LSAMP: variants seen among roughly 807,000 people sequenced by gnomAD.
LSAMP encodes the protein limbic system associated membrane protein, also known as limbic system-associated membrane protein.
LSAMP carries 7 observed loss-of-function variants against 38.6 expected under a neutral mutation model. The observed-to-expected ratio is 0.18, with a 90% CI of 0.10 to 0.34. The LOEUF is 0.34. Among genes scored for constraint, LSAMP ranks in the 10% least tolerant of loss-of-function variants. LSAMP has a pLI of 1.00. For synonymous variants in LSAMP, 154 were observed against 166.8 expected, an observed-to-expected ratio of 0.92 and a Z score of 0.59; for missense variants, 313 against 420.0, an observed-to-expected ratio of 0.75 and a Z score of 2.23.
intron 1 of LSAMP, among the ~76,000 whole-genome samples, chr3:116,108,802 T>A (rs1708530106): frequency 6.6e-6 from 1 of 152,124 alleles, no homozygotes; most frequent in African/African-American, 2.4e-5. Context: ...GAGGAGGTTC[T>A]GGAGGAACGC....
intron 3 of LSAMP, among the ~76,000 whole-genome samples, chr3:115,867,666 A>T (rs1392318664): frequency 6.6e-6 from 1 of 152,148 alleles, no homozygotes; most frequent in Non-Finnish European, 1.5e-5. Context: ...GAAGAGCAGG[A>T]AGAAAATGCC....
At chr3:116,381,007 TTC>T (rs2048551160) in intron 1 of LSAMP, among the ~76,000 whole-genome samples, 1 of 152,080 alleles carries the variant, frequency 6.6e-6, no homozygotes, top group African/African-American at 2.4e-5. Flanking sequence ...TTAAAATGAA[TTC>T]TGACAAAATG....
At position 115,871,534 on chromosome 3, in the gene LSAMP, T is replaced by C. The variant is rs529390634; in HGVS notation, c.515-18917A>G. On this transcript the variant is annotated intron_variant, in intron 3 of 6. Coordinates refer to ENST00000490035, the MANE Select transcript of LSAMP (RefSeq NM_002338.5). ...CAAAGATATGATACCCCTGTTTAAA[T>C]TGTTTCAGTGTACAAAGAACAAAGC... Among the ~76,000 whole-genome samples, 14 of 152,020 alleles carry C rather than the reference T, an allele frequency of 9.2e-5. No individual in the cohort carries two copies. In the East Asian group the frequency reaches 2.1e-3, roughly 23 times the overall value.
chr3:116,438,401 A>C (rs2049385817), intron 1 of LSAMP, among the ~76,000 whole-genome samples: 1 of 152,184 alleles, frequency 6.6e-6, no homozygotes, highest in South Asian at 2.1e-4. Flanking sequence ...ATCTTTATTT[A>C]ATAAATTACA....
At chr3:116,150,739 ACAAG>A (rs1269745696) in intron 1 of LSAMP, among the ~76,000 whole-genome samples, 15 of 152,006 alleles carry the variant, frequency 9.9e-5, no homozygotes, top group Admixed American at 6.6e-4. Flanking sequence ...CTATGAGAGG[ACAAG>A]CAGTTTTAAC....
rs79396570 is a variant in LSAMP, at chr3:116,394,814, T to C, written c.155+50063A>G. On this transcript the variant is annotated intron_variant, in intron 1 of 6. Transcript: ENST00000490035. Reference sequence around the variant, plus strand: ...GAAGACACAATCTCTCAGCAAGTGTTAATATGTAAAATCTTTCCCCCTCAC... The same window carrying C: ...GAAGACACAATCTCTCAGCAAGTGTCAATATGTAAAATCTTTCCCCCTCAC... 4.6e-3 allele frequency among the ~76,000 whole-genome samples: 696 copies of C among 152,356 alleles called. 19 individuals are homozygous for C. Among genetic ancestry groups the C allele is most frequent in the Admixed American group, 0.035 (541 of 15,302 alleles).
intron 3 of LSAMP, among the ~76,000 whole-genome samples, chr3:115,968,606 C>T (rs923817607): frequency 1.3e-5 from 2 of 152,168 alleles, no homozygotes; most frequent in Non-Finnish European, 2.9e-5. Context: ...CCTCTTCTCT[C>T]CTCAACAGAG....
At chr3:115,901,537 C>T (rs1936874193) in intron 3 of LSAMP, among the ~76,000 whole-genome samples, 1 of 152,160 alleles carries the variant, frequency 6.6e-6, no homozygotes, top group African/African-American at 2.4e-5. Context: ...CTCCCACAAA[C>T]CAGTTTATCT....
intron 3 of LSAMP, among the ~76,000 whole-genome samples, chr3:115,883,707 T>C (rs1227159116): frequency 6.6e-6 from 1 of 152,022 alleles, no homozygotes; most frequent in African/African-American, 2.4e-5. Context: ...TCCTGCCTGT[T>C]CTCTTTTTAT....
chr3:115,993,878 C>T (rs1939742268), intron 3 of LSAMP, among the ~76,000 whole-genome samples: 1 of 152,044 alleles, frequency 6.6e-6, no homozygotes, highest in South Asian at 2.1e-4. Context: ...AAACACTTTA[C>T]ACCTGTAGAG....
chr3:116,272,169 AAAC>A (rs1332829491), intron 1 of LSAMP, among the ~76,000 whole-genome samples: 1 of 151,728 alleles, frequency 6.6e-6, no homozygotes, highest in African/African-American at 2.4e-5. Context: ...TATATAATAA[AAAC>A]AACACAGAAA....
intron 2 of LSAMP, among the ~76,000 whole-genome samples, chr3:116,024,463 CAA>C (rs1225019334): frequency 1.3e-5 from 2 of 152,102 alleles, no homozygotes; most frequent in Non-Finnish European, 2.9e-5. Context: ...TTATTTGACT[CAA>C]TAAAAAATAT....
At position 115,854,437 on chromosome 3, in the gene LSAMP, T is replaced by A. The variant is rs1038174396; in HGVS notation, c.515-1820A>T. On this transcript the variant is annotated intron_variant, in intron 3 of 6. Transcript: ENST00000490035. ...AGCTGGGACTACAGGCGCCCGCCACTGCGCCCGGCTAATTTTTTGTATTTT... is the reference window on the plus strand; with the variant it reads ...AGCTGGGACTACAGGCGCCCGCCACAGCGCCCGGCTAATTTTTTGTATTTT... Among the ~76,000 whole-genome samples, 6 of 151,416 alleles carry A rather than the reference T, an allele frequency of 4.0e-5. No individual in the cohort carries two copies. The South Asian group carries it at 8.3e-4, about 21-fold the overall frequency.
At chr3:115,839,305 C>T (rs1576131853) in intron 6 of LSAMP, among the ~76,000 whole-genome samples, 1 of 129,402 alleles carries the variant, frequency 7.7e-6, no homozygotes, top group African/African-American at 2.8e-5. Context: ...TTCCTTCCTT[C>T]CTTCCTTCCT....
At chr3:115,825,370 T>A (rs1377690675) in intron 6 of LSAMP, among the ~76,000 whole-genome samples, 1 of 152,222 alleles carries the variant, frequency 6.6e-6, no homozygotes, top group Non-Finnish European at 1.5e-5. Context: ...CTATAACTCC[T>A]GCTATGTCAG....
Position 116,082,817 on chromosome 3 carries a change from A to G in LSAMP, c.388+3507T>C, listed in dbSNP as rs554294987. On this transcript the variant is annotated intron_variant, in intron 2 of 6. Coordinates refer to ENST00000490035, the MANE Select transcript of LSAMP (RefSeq NM_002338.5). The stretch of plus-strand genomic sequence containing the variant: ...AACCAAATACCACAGGTTCTCACTT[A>G]TAAGTGGGAGATAAATGATAAGAAC... 4.6e-5 allele frequency among the ~76,000 whole-genome samples: 7 copies of G among 152,268 alleles called. No homozygotes were observed. The East Asian group carries it at 1.2e-3, about 25-fold the overall frequency.
chr3:116,289,469 G>C (rs1315987773), intron 1 of LSAMP, among the ~76,000 whole-genome samples: 1 of 152,032 alleles, frequency 6.6e-6, no homozygotes, highest in Non-Finnish European at 1.5e-5. Context: ...GCCTTAGTTT[G>C]TCATAACAAA....
chr3:115,902,629 C>A (rs1449767133), intron 3 of LSAMP, among the ~76,000 whole-genome samples: 3 of 151,980 alleles, frequency 2.0e-5, no homozygotes, highest in African/African-American at 7.2e-5. Context: ...CTATAAGGAA[C>A]TTAAAAAAAT....
intron 3 of LSAMP, among the ~76,000 whole-genome samples, chr3:116,004,548 G>A (rs140517447): frequency 0.03 from 4,346 of 146,982 alleles, 161 homozygotes; most frequent in African/African-American, 0.091. Context: ...ACACACACAC[G>A]TAGGTGCATA....
Sources: gnomAD v4.1 joint callset for allele counts (sites outside exome capture counted in the v4.1 genomes callset) on GRCh38, gnomAD v4.1.1 for gene constraint, MANE v1.5 for transcripts, NCBI Gene and HGNC (gene_info 2026-07-23, HGNC 2026-07-21) for gene names.